Variants in PDE8B observed in about 807,000 individuals in gnomAD.
PDE8B encodes the protein phosphodiesterase 8B.
In PDE8B, 26 loss-of-function variants were observed where a neutral mutation model predicts 101.3. The observed-to-expected ratio is 0.26, with a 90% CI of 0.19 to 0.36. PDE8B has a LOEUF of 0.36. PDE8B is among the 10% of genes least tolerant of loss of function. PDE8B has a pLI of 1.00. For missense variants in PDE8B, 810 were observed against 1,163.1 expected, an observed-to-expected ratio of 0.70 and a Z score of 4.42; for synonymous variants, 424 against 429.3, an observed-to-expected ratio of 0.99 and a Z score of 0.15.
chr5:77,163,102 G>T, the PDE8B span, among the ~76,000 whole-genome samples: 4 of 152,168 alleles, frequency 2.6e-5, no homozygotes, highest in African/African-American at 9.7e-5. Context: ...TTTTACCCAT[G>T]AGGCGGGCAT....
the PDE8B span, among the ~76,000 whole-genome samples, chr5:77,187,107 A>T: frequency 6.6e-6 from 1 of 152,336 alleles, no homozygotes; most frequent in South Asian, 2.1e-4. Flanking sequence ...CATTTGTTGA[A>T]GTAGGTGCAT....
At chr5:77,187,900 G>T in the PDE8B span, among the ~76,000 whole-genome samples, 1 of 152,160 alleles carries the variant, frequency 6.6e-6, no homozygotes, top group Non-Finnish European at 1.5e-5. Context: ...AACTTATGAA[G>T]GGTGTTACTA....
the PDE8B span, among the ~76,000 whole-genome samples, chr5:77,090,299 G>A: frequency 6.6e-6 from 1 of 152,112 alleles, no homozygotes; most frequent in East Asian, 1.9e-4. Flanking sequence ...GAGTGCAGTG[G>A]CACGATCTCG....
At chr5:77,311,004 CA>C (rs1485636648) in intron 1 of PDE8B, among the ~76,000 whole-genome samples, 1 of 152,264 alleles carries the variant, frequency 6.6e-6, no homozygotes, top group African/African-American at 2.4e-5. Context: ...AAAAGGCTCC[CA>C]TGGCCCTTGG....
At chr5:77,310,502 C>A (rs1205093646) in intron 1 of PDE8B, among the ~76,000 whole-genome samples, 4 of 152,228 alleles carry the variant, frequency 2.6e-5, no homozygotes, top group Non-Finnish European at 5.9e-5. Flanking sequence ...AAGAGAAGTC[C>A]ACACTCAACA....
intron 1 of PDE8B, among the ~76,000 whole-genome samples, chr5:77,277,788 C>T (rs1764138795): frequency 6.6e-6 from 1 of 152,218 alleles, no homozygotes; most frequent in Non-Finnish European, 1.5e-5. Context: ...ACACTAAAGA[C>T]TTCCCAGTGA....
chr5:77,247,434 G>C (rs1053711646), intron 1 of PDE8B, among the ~76,000 whole-genome samples: 7 of 152,198 alleles, frequency 4.6e-5, no homozygotes, highest in African/African-American at 1.7e-4. Flanking sequence ...ATCACAATGA[G>C]TGCATCCCTG....
At chr5:77,321,430 C>G (rs370145540) in intron 2 of PDE8B, among the ~76,000 whole-genome samples, 1 of 152,144 alleles carries the variant, frequency 6.6e-6, no homozygotes, top group Non-Finnish European at 1.5e-5. Context: ...GGATTACAAG[C>G]GTAAGCCACC....
At chr5:77,272,616 A>C (rs1561450447) in intron 1 of PDE8B, among the ~76,000 whole-genome samples, 1 of 152,184 alleles carries the variant, frequency 6.6e-6, no homozygotes. Context: ...CCACCCTGGA[A>C]GGCTGTGGCT....
intron 10 of PDE8B, among the ~76,000 whole-genome samples, chr5:77,366,478 G>A (rs1379062803): frequency 1.3e-5 from 2 of 152,226 alleles, no homozygotes; most frequent in South Asian, 2.1e-4. Flanking sequence ...CCCTGGGGTC[G>A]GTCAGCTGTG....
chr5:77,411,566 A>T, intron 14 of PDE8B, 110 bp from the exon 15 acceptor site: 1 of 835,382 alleles, frequency 1.2e-6, no homozygotes, highest in Non-Finnish European at 2.0e-6. Context: ...TTAGACTTCC[A>T]GATTGGTTGG....
At chr5:77,225,948 A>G (rs963746495) in intron 1 of PDE8B, among the ~76,000 whole-genome samples, 6 of 98,718 alleles carry the variant, frequency 6.1e-5, no homozygotes, top group Admixed American at 5.7e-4. Flanking sequence ...CACTGAAAAC[A>G]GTTTGATTTT....
the PDE8B span, among the ~76,000 whole-genome samples, chr5:77,183,078 C>T: frequency 6.6e-6 from 1 of 151,030 alleles, no homozygotes; most frequent in African/African-American, 2.4e-5. Flanking sequence ...ATCATGTAAT[C>T]CTATCAACAC....
At position 77,211,274 on chromosome 5, in the gene PDE8B, C is replaced by T; in HGVS notation, c.339+10C>T. The stretch of plus-strand genomic sequence containing the variant: ...CTACACCAGCGTGAAGGTAAATGCC[C>T]CGCGCTGGCACACGCCGTGGGGGCC... On this transcript the variant is annotated intron_variant, in intron 1 of 21. Coordinates refer to ENST00000264917, the MANE Select transcript of PDE8B (RefSeq NM_003719.5). This position sits in a 1 kb window ranked among gnomAD's most constrained non-coding sequence, Gnocchi z 4.1. 1.3e-6 allele frequency: 2 copies of T among 1,550,720 alleles called. No individual in the cohort carries two copies. Among genetic ancestry groups the T allele is most frequent in the Non-Finnish European group, 1.7e-6 (2 of 1,156,126 alleles).
the PDE8B span, among the ~76,000 whole-genome samples, chr5:77,168,221 A>C: frequency 2.0e-5 from 3 of 152,242 alleles, no homozygotes; most frequent in African/African-American, 4.8e-5. Context: ...ACTATGGAAC[A>C]GGGCAAAGGA....
chr5:77,225,844 G>A (rs1014557219), intron 1 of PDE8B, among the ~76,000 whole-genome samples: 2 of 116,210 alleles, frequency 1.7e-5, no homozygotes, highest in African/African-American at 3.4e-5. Context: ...TCCCACATGC[G>A]CGTGCACACA....
chr5:77,390,673 A>G (rs1789729734), intron 10 of PDE8B, among the ~76,000 whole-genome samples: 1 of 152,140 alleles, frequency 6.6e-6, no homozygotes, highest in Admixed American at 6.5e-5. Flanking sequence ...CGTCCCCCCA[A>G]ATTTCAAGGA....
At chr5:77,094,606 T>A in the PDE8B span, among the ~76,000 whole-genome samples, 1 of 152,022 alleles carries the variant, frequency 6.6e-6, no homozygotes, top group South Asian at 2.1e-4. Flanking sequence ...ATGCCTGCCA[T>A]TTTTTTTAAA....
At chr5:77,177,988 T>TACAGTACTGTATGTGCAAACCATA in the PDE8B span, among the ~76,000 whole-genome samples, 19 of 152,220 alleles carry the variant, frequency 1.2e-4, no homozygotes, top group South Asian at 4.1e-4. Context: ...GTGCAAACCA[T>TACAGTACTGTATGTGCAAACCATA]CAGAACTCAG....
Sources: gnomAD v4.1 joint callset for allele counts (sites outside exome capture counted in the v4.1 genomes callset) on GRCh38, gnomAD v4.1.1 for gene constraint, Gnocchi (gnomAD v3.1) non-coding constraint, MANE v1.5 for transcripts, NCBI Gene and HGNC (gene_info 2026-07-23, HGNC 2026-07-21) for gene names.